F8: variants seen among roughly 807,000 people sequenced by gnomAD.
F8 encodes the protein antihemophilic factor.
In F8, 12 loss-of-function variants were observed where a neutral mutation model predicts 140.6. The observed-to-expected ratio is 0.09, with a 90% CI of 0.05 to 0.14. The LOEUF is 0.14. Among genes scored for constraint, F8 ranks in the 10% least tolerant of loss-of-function variants. F8 has a pLI of 1.00. For missense variants in F8, 1,354 were observed against 1,720.7 expected (o/e 0.79, Z 3.77); for synonymous variants, 585 against 614.6 (o/e 0.95, Z 0.71).
intron 22 of F8, among the ~76,000 whole-genome samples, chrX:154,893,428 G>T (rs1228012295): frequency 8.9e-6 from 1 of 112,390 alleles, no homozygotes; most frequent in African/African-American, 3.2e-5. Context: ...GAAACATCCT[G>T]AAAGAGAGAA....
intron 9 of F8, 22 bp downstream of exon 9, chrX:154,965,948 T>C: frequency 8.3e-7 from 1 of 1,208,176 alleles, no homozygotes; most frequent in Non-Finnish European, 1.1e-6. Flanking sequence ...TTACCTGACC[T>C]TAAATCTTTT....
chrX:154,924,061 G>C (rs1312102226), intron 14 of F8, among the ~76,000 whole-genome samples: 1 of 112,220 alleles, frequency 8.9e-6, no homozygotes, highest in Admixed American at 9.4e-5. Flanking sequence ...GCTCCTCCTT[G>C]CCTTCTGCCA....
chrX:154,874,045 A>C (rs1445905064), intron 22 of F8, among the ~76,000 whole-genome samples: 1 of 112,842 alleles, frequency 8.9e-6, no homozygotes, highest in East Asian at 2.8e-4. Flanking sequence ...CAACAGAGTG[A>C]AAAGACAACC....
At chrX:155,020,226 T>C (rs2073753659) in intron 1 of F8, among the ~76,000 whole-genome samples, 1 of 111,884 alleles carries the variant, frequency 8.9e-6, no homozygotes, top group Non-Finnish European at 1.9e-5. Context: ...TCCAGAAATA[T>C]ATGCTAATAT....
At chrX:154,991,004 A>C (rs2073584849) in intron 4 of F8, among the ~76,000 whole-genome samples, 1 of 112,051 alleles carries the variant, frequency 8.9e-6, no homozygotes, top group South Asian at 3.7e-4. Flanking sequence ...CAAGCAATGG[A>C]AGGGGAAAGA....
intron 22 of F8, among the ~76,000 whole-genome samples, chrX:154,880,545 C>T (rs1451622368): frequency 8.9e-6 from 1 of 112,308 alleles, no homozygotes; most frequent in Non-Finnish European, 1.9e-5. Context: ...CACAATTTAC[C>T]ATACTTTTCC....
In F8 at chrX:154,929,794, T is replaced by C. The variant is rs782379086; in HGVS notation, c.3996A>G (p.Arg1332=). The C allele has an allele frequency of 3.3e-5, 40 of 1,210,016 alleles. No individual in the cohort carries two copies. The highest frequency in any genetic ancestry group is 3.9e-5 in the Non-Finnish European group (35 of 895,138). ...QQNFVTQRSK[R]ALKQFRLPLE... The stretch of plus-strand genomic sequence containing the variant: ...GTGGGAGTCTGAATTGTTTCAAAGC[T>C]CTCTTACTACGTTGCGTGACAAAAT... The change falls in exon 14 of 26, where the codon AGA becomes AGG. Residue 1332 remains arginine (R), a synonymous_variant. Transcript: ENST00000360256.
intron 13 of F8, among the ~76,000 whole-genome samples, chrX:154,945,969 T>G (rs893351743): frequency 2.7e-5 from 3 of 111,569 alleles, no homozygotes; most frequent in African/African-American, 6.5e-5. Flanking sequence ...AAAAAGAAAT[T>G]TTTTAAAAAT....
intron 13 of F8, among the ~76,000 whole-genome samples, chrX:154,934,405 A>G (rs2073213334): frequency 9.0e-6 from 1 of 111,626 alleles, no homozygotes; most frequent in African/African-American, 3.3e-5. Context: ...TCTTTCTTCT[A>G]TCAAGGTGCA....
At chrX:154,994,936 A>T (rs782412690) in intron 3 of F8, among the ~76,000 whole-genome samples, 6 of 112,331 alleles carry the variant, frequency 5.3e-5, no homozygotes, top group African/African-American at 1.9e-4. Flanking sequence ...TACAATATGT[A>T]TCTCTATTAT....
At chrX:154,896,979 A>G (rs1396238469) in intron 21 of F8, among the ~76,000 whole-genome samples, 1 of 112,023 alleles carries the variant, frequency 8.9e-6, no homozygotes, top group Non-Finnish European at 1.9e-5. Flanking sequence ...AAGGGCTGCC[A>G]TAGGGGTTAA....
chrX:154,991,296 A>G (rs2073586980), intron 4 of F8, among the ~76,000 whole-genome samples: 1 of 112,048 alleles, frequency 8.9e-6, no homozygotes, highest in African/African-American at 3.2e-5. Flanking sequence ...GCAACATAGT[A>G]CTCACTTCGA....
At chrX:154,984,940 T>A (rs1370343714) in intron 5 of F8, 137 bp from the exon 6 acceptor site, 2 of 543,822 alleles carry the variant, frequency 3.7e-6, no homozygotes, top group Non-Finnish European at 6.6e-6. Flanking sequence ...ACAGCACTTA[T>A]CCTCTCAAAG....
chrX:154,863,161 G>A lies in F8; in HGVS notation c.6496C>T (p.Arg2166Ter), dbSNP rs137852357. 1 of 1,208,839 alleles carries A rather than the reference G, an allele frequency of 8.3e-7. No individual in the cohort carries two copies. Residue 2166 changes from arginine (R) to a stop codon, truncating the protein, a stop_gained, in exon 23 of 26, where the codon CGA becomes TGA. Transcript: ENST00000360256. LOFTEE classifies it high-confidence loss of function. ...HNIFNPPIIA[R>*]YIRLHPTHYS... ...TGAGTTGGGTGCAAACGGATGTATCGAGCAATAATTGGAGGGTTAAAAATA... is the reference window on the plus strand; with the variant it reads ...TGAGTTGGGTGCAAACGGATGTATCAAGCAATAATTGGAGGGTTAAAAATA...
Position 154,837,452 on chromosome X carries a change from G to A in F8, c.*145C>T. On this transcript the variant is annotated 3_prime_UTR_variant, in exon 26 of 26. Transcript: ENST00000360256. ...CCTGGCCCCCCACCAAAGAAATGCA[G>A]GACTGATGATAGTTAATTCAGGAGG... 3.0e-6 allele frequency: 2 copies of A among 661,048 alleles called. No homozygotes were observed. The highest frequency in any genetic ancestry group is 4.6e-6 in the Non-Finnish European group (2 of 431,887). 54.5% of individuals were successfully genotyped at this position (661,048 alleles called of 1,213,427 possible). A position where few individuals can be genotyped will look rare whatever the true frequency, so the allele number is the denominator to read the frequency against.
intron 7 of F8, among the ~76,000 whole-genome samples, chrX:154,968,716 T>C (rs782052483): frequency 9.0e-6 from 1 of 111,510 alleles, no homozygotes; most frequent in East Asian, 2.8e-4. Context: ...TTCAATCCCA[T>C]GTTACTTCTA....
In F8 at chrX:155,010,160, C is replaced by T. The variant is rs782053811; in HGVS notation, c.144-10560G>A. ...AAACATGTGATTTATTTGCCTGTCT[C>T]ACTTTCAGGCAAATCTGCATAGTAA... On this transcript the variant is annotated intron_variant, in intron 1 of 25. Coordinates refer to ENST00000360256, the MANE Select transcript of F8 (RefSeq NM_000132.4). 2.7e-5 allele frequency among the ~76,000 whole-genome samples: 3 copies of T among 112,403 alleles called. No homozygotes were observed. The South Asian group carries it at 1.1e-3, about 41-fold the overall frequency.
At chrX:155,019,581 C>T (rs1432127627) in intron 1 of F8, among the ~76,000 whole-genome samples, 1 of 110,768 alleles carries the variant, frequency 9.0e-6, no homozygotes, top group African/African-American at 3.3e-5. Context: ...AATGCTTGAG[C>T]TCAGGAGTTG....
Position 154,966,706 on chromosome X carries a change from A to G in F8, c.1010-19T>C. On this transcript the variant is annotated intron_variant, in intron 7 of 25. Transcript: ENST00000360256. ...ATGCCATCTGGAGTCAGACAAACCA[A>G]ACAATGTCAGAGTGTCTTGCTATAT... 1 of 1,209,197 alleles carries G rather than the reference A, an allele frequency of 8.3e-7. No homozygotes were observed. Among genetic ancestry groups the G allele is most frequent in the South Asian group, 1.8e-5 (1 of 56,968 alleles).
Sources: allele counts gnomAD v4.1 joint callset (sites outside exome capture counted in the v4.1 genomes callset), GRCh38; gene constraint gnomAD v4.1.1; transcripts MANE v1.5; gene names NCBI Gene and HGNC (gene_info 2026-07-23, HGNC 2026-07-21).